Variants in FBXO4 observed in about 807,000 individuals in gnomAD.
FBXO4 encodes the protein F-box only protein 4.
In FBXO4, 36 loss-of-function variants were observed where a neutral mutation model predicts 43.7. The ratio of observed to expected loss-of-function variants is 0.82; its 90% CI spans 0.63 to 1.09. The LOEUF is 1.09. Ranked by LOEUF, FBXO4 falls within the 50% of genes least tolerant of loss-of-function variation. The pLI, the probability that FBXO4 is intolerant of heterozygous loss-of-function variation, is 0.00. For synonymous variants in FBXO4, 180 were observed against 165.6 expected (o/e 1.09, Z -0.67); for missense variants, 435 against 474.1 (o/e 0.92, Z 0.77).
chr5:41,999,545 G>GTA, the FBXO4 span, among the ~76,000 whole-genome samples: 508 of 103,384 alleles, frequency 4.9e-3, 5 homozygotes, highest in East Asian at 0.02. Flanking sequence ...ACATATATAT[G>GTA]TATATATATA....
the FBXO4 span, among the ~76,000 whole-genome samples, chr5:41,993,048 T>G: frequency 6.6e-6 from 1 of 152,190 alleles, no homozygotes; most frequent in East Asian, 1.9e-4. Flanking sequence ...AAAAACATAT[T>G]GTAAACCCTT....
intron 3 of FBXO4, 57 bp from the exon 4 acceptor site, chr5:41,933,889 G>T: frequency 7.0e-7 from 1 of 1,431,540 alleles, no homozygotes; most frequent in South Asian, 1.2e-5. Flanking sequence ...TTTTCAGTGT[G>T]ATCTTTTGCT....
the FBXO4 span, among the ~76,000 whole-genome samples, chr5:41,955,997 C>G: frequency 1.3e-5 from 2 of 152,162 alleles, no homozygotes; most frequent in Admixed American, 1.3e-4. Flanking sequence ...AACTTAGCAT[C>G]CCAGATCAAC....
chr5:41,925,796 C>T (rs764850223), intron 1 of FBXO4, among the ~76,000 whole-genome samples: 4 of 152,190 alleles, frequency 2.6e-5, no homozygotes, highest in Non-Finnish European at 4.4e-5. Flanking sequence ...GCACATGTGA[C>T]TAGGACACCC....
At chr5:42,013,188 C>G in the FBXO4 span, among the ~76,000 whole-genome samples, 4 of 152,004 alleles carry the variant, frequency 2.6e-5, no homozygotes, top group Non-Finnish European at 5.9e-5. Context: ...CCTGTGGTCC[C>G]AGCTACTAGG....
the FBXO4 span, chr5:41,967,181 G>A: frequency 7.8e-5 from 36 of 464,260 alleles, no homozygotes; most frequent in Middle Eastern, 3.5e-4. Flanking sequence ...AGCACTTTCC[G>A]TTCTTCAAGC....
the FBXO4 span, among the ~76,000 whole-genome samples, chr5:41,953,773 CT>C: frequency 6.6e-6 from 1 of 150,814 alleles, no homozygotes; most frequent in Admixed American, 6.6e-5. Context: ...TTTCATGTGT[CT>C]TTTGGCTGCA....
At chr5:42,036,955 C>T in the FBXO4 span, among the ~76,000 whole-genome samples, 5 of 151,992 alleles carry the variant, frequency 3.3e-5, no homozygotes, top group Non-Finnish European at 7.4e-5. Context: ...AATCCCATTC[C>T]TCAGTCATCA....
chr5:41,991,971 G>T, the FBXO4 span, among the ~76,000 whole-genome samples: 1 of 152,090 alleles, frequency 6.6e-6, no homozygotes, highest in Non-Finnish European at 1.5e-5. Flanking sequence ...CCAGCTACTC[G>T]GGAGGCTGAG....
chr5:41,928,755 T>C (rs7712106), intron 2 of FBXO4: 12,198 of 152,442 alleles, frequency 0.08, 698 homozygotes, highest in African/African-American at 0.16. Context: ...TCAAAGTTGT[T>C]TTGTGTTTGT....
the FBXO4 span, among the ~76,000 whole-genome samples, chr5:42,011,921 T>C: frequency 6.6e-6 from 1 of 152,218 alleles, no homozygotes; most frequent in Non-Finnish European, 1.5e-5. Context: ...TTTTTTCTTA[T>C]GTGGATGTGA....
the FBXO4 span, among the ~76,000 whole-genome samples, chr5:42,026,456 G>A: frequency 2.0e-5 from 3 of 151,794 alleles, no homozygotes; most frequent in African/African-American, 7.2e-5. Flanking sequence ...TTCTAGGTTT[G>A]TTTGTGTAGT....
the FBXO4 span, among the ~76,000 whole-genome samples, chr5:42,022,736 T>TA: frequency 6.6e-6 from 1 of 152,034 alleles, no homozygotes; most frequent in Non-Finnish European, 1.5e-5. Context: ...GTGGAGAAGT[T>TA]GGGAAATAAA....
At chr5:41,961,051 C>G in the FBXO4 span, among the ~76,000 whole-genome samples, 1 of 151,986 alleles carries the variant, frequency 6.6e-6, no homozygotes, top group Non-Finnish European at 1.5e-5. Context: ...ACTTTACGTG[C>G]TAATTTTTCT....
the FBXO4 span, among the ~76,000 whole-genome samples, chr5:42,006,661 A>C: frequency 6.6e-6 from 1 of 151,802 alleles, no homozygotes; most frequent in Admixed American, 6.6e-5. Flanking sequence ...GAAGGGTCTT[A>C]ATAGCCTTTG....
the FBXO4 span, among the ~76,000 whole-genome samples, chr5:41,954,293 T>G: frequency 6.6e-6 from 1 of 152,214 alleles, no homozygotes; most frequent in Non-Finnish European, 1.5e-5. Context: ...CTTGAAATAT[T>G]TTAAAGAGTA....
the FBXO4 span, among the ~76,000 whole-genome samples, chr5:42,021,267 C>T: frequency 2.0e-5 from 3 of 152,134 alleles, no homozygotes; most frequent in South Asian, 4.2e-4. Flanking sequence ...TTAAGTGGAA[C>T]GGACATGGAT....
At chr5:42,009,375 A>ATGTGTG in the FBXO4 span, among the ~76,000 whole-genome samples, 1,665 of 143,668 alleles carry the variant, frequency 0.012, 25 homozygotes, top group African/African-American at 0.04. Flanking sequence ...GTGTGTGTGT[A>ATGTGTG]TGTGTGTGTG....
the FBXO4 span, among the ~76,000 whole-genome samples, chr5:41,962,399 G>A: frequency 6.6e-6 from 1 of 152,176 alleles, no homozygotes; most frequent in African/African-American, 2.4e-5. Flanking sequence ...ATCAGTGGGG[G>A]CCCTGAGTGC....
Sources: allele counts gnomAD v4.1 joint callset (sites outside exome capture counted in the v4.1 genomes callset), GRCh38; gene constraint gnomAD v4.1.1; transcripts MANE v1.5; gene names NCBI Gene and HGNC (gene_info 2026-07-23, HGNC 2026-07-21).